ZPBP: variants seen among roughly 807,000 people sequenced by gnomAD.
The protein encoded by ZPBP is zona pellucida binding protein.
Under a neutral mutation model 44.8 loss-of-function variants are expected in ZPBP, and 26 were observed. The observed-to-expected ratio is 0.58, with a 90% confidence interval of 0.43 to 0.81. The LOEUF (loss-of-function observed/expected upper bound fraction) is 0.81, where lower values mean the gene tolerates loss of function less well. Among genes scored for constraint, ZPBP ranks in the 30% least tolerant of loss-of-function variants. The probability of loss-of-function intolerance (pLI) is 0.00; values close to 1 mark genes in which losing one functional copy is unlikely to be tolerated. For synonymous variants in ZPBP, 174 were observed against 153.2 expected (o/e 1.14, Z -1.00); for missense variants, 409 against 434.0 (o/e 0.94, Z 0.51).
chr7:49,842,565 A>C, the ZPBP span, among the ~76,000 whole-genome samples: 2 of 152,224 alleles, frequency 1.3e-5, no homozygotes, highest in African/African-American at 4.8e-5. Flanking sequence ...TACCTGTAGG[A>C]TGCTTCCAGA....
intron 1 of ZPBP, among the ~76,000 whole-genome samples, chr7:49,902,763 C>A (rs1792838671): frequency 6.6e-6 from 1 of 151,988 alleles, no homozygotes; most frequent in African/African-American, 2.4e-5. Flanking sequence ...CATTTGATCG[C>A]ATTGAAATAT....
At chr7:50,084,760 C>T (rs1802550654) in intron 2 of ZPBP, among the ~76,000 whole-genome samples, 1 of 151,850 alleles carries the variant, frequency 6.6e-6, no homozygotes, top group African/African-American at 2.4e-5. Flanking sequence ...AAATTAGTTA[C>T]CCAGATAACG....
chr7:49,892,313 T>G (rs1003940585), intron 2 of ZPBP, among the ~76,000 whole-genome samples: 1 of 152,034 alleles, frequency 6.6e-6, no homozygotes, highest in Non-Finnish European at 1.5e-5. Flanking sequence ...CCCAAAGTGC[T>G]GGGATTACAA....
At chr7:49,955,467 G>GA (rs1214048719) in intron 7 of ZPBP, among the ~76,000 whole-genome samples, 1 of 152,054 alleles carries the variant, frequency 6.6e-6, no homozygotes, top group Admixed American at 6.6e-5. Context: ...AGAGGCAGGA[G>GA]AATCACCTGA....
intron 2 of ZPBP, among the ~76,000 whole-genome samples, chr7:49,865,713 C>T (rs966963672): frequency 6.6e-6 from 1 of 152,218 alleles, no homozygotes; most frequent in African/African-American, 2.4e-5. Flanking sequence ...GGTGTGCCTT[C>T]AGAAGGGCAG....
intron 5 of ZPBP, among the ~76,000 whole-genome samples, chr7:50,021,264 T>C (rs1013225414): frequency 6.6e-6 from 1 of 151,808 alleles, no homozygotes; most frequent in African/African-American, 2.4e-5. Flanking sequence ...AAGAAAACCA[T>C]GAACAAAGAA....
downstream of ZPBP, among the ~76,000 whole-genome samples, chr7:49,933,925 A>C: frequency 7.1e-6 from 1 of 141,806 alleles, no homozygotes; most frequent in Non-Finnish European, 1.5e-5. Context: ...GGGGGGAGGG[A>C]TAGCATTAGG....
At chr7:49,905,534 T>C (rs1793038300) in intron 1 of ZPBP, among the ~76,000 whole-genome samples, 1 of 152,274 alleles carries the variant, frequency 6.6e-6, no homozygotes, top group Non-Finnish European at 1.5e-5. Flanking sequence ...CCTTGATTTC[T>C]ATCATTTAAA....
At chr7:49,939,653 G>A (rs541843300) in intron 7 of ZPBP, among the ~76,000 whole-genome samples, 2 of 152,054 alleles carry the variant, frequency 1.3e-5, no homozygotes, top group East Asian at 3.9e-4. Flanking sequence ...TAACCATAAT[G>A]TAAAACATTT....
chr7:49,922,019 T>G (rs1024179049), intron 1 of ZPBP: 2 of 152,178 alleles, frequency 1.3e-5, no homozygotes, highest in Non-Finnish European at 2.9e-5. Flanking sequence ...TGAAAGTAGA[T>G]TAAGCAAGAT....
chr7:49,939,740 C>T lies in ZPBP; in HGVS notation c.962-2118G>A, dbSNP rs117761701. On this transcript the variant is annotated intron_variant, in intron 7 of 7. Coordinates refer to ENST00000046087, the MANE Select transcript of ZPBP (RefSeq NM_007009.3). The stretch of plus-strand genomic sequence containing the variant: ...TAAAATAAAACTGTGGAAAGACTCT[C>T]CAAGCAAGATGGACTCCCTGAGGCT... 2.8e-3 allele frequency among the ~76,000 whole-genome samples: 428 copies of T among 152,098 alleles called. 1 individual carries two copies. Among genetic ancestry groups the T allele is most frequent in the Non-Finnish European group, 4.7e-3 (317 of 67,978 alleles).
At chr7:49,875,795 C>T (rs1791391521) in intron 2 of ZPBP, among the ~76,000 whole-genome samples, 1 of 152,042 alleles carries the variant, frequency 6.6e-6, no homozygotes, top group Admixed American at 6.6e-5. Flanking sequence ...AAAAAGTAAC[C>T]ATTTATTGTT....
At chr7:49,910,864 A>G (rs1188630502) in intron 1 of ZPBP, among the ~76,000 whole-genome samples, 3 of 152,184 alleles carry the variant, frequency 2.0e-5, no homozygotes, top group Non-Finnish European at 4.4e-5. Context: ...GAACTTATCA[A>G]AGCAAATTCT....
At chr7:49,893,592 T>C (rs1191955085) in intron 2 of ZPBP, among the ~76,000 whole-genome samples, 1 of 152,092 alleles carries the variant, frequency 6.6e-6, no homozygotes, top group Non-Finnish European at 1.5e-5. Flanking sequence ...CAACATATTT[T>C]TAGTTTACTC....
At chr7:49,960,102 A>C (rs1453222648) in intron 7 of ZPBP, among the ~76,000 whole-genome samples, 1 of 152,140 alleles carries the variant, frequency 6.6e-6, no homozygotes, top group East Asian at 1.9e-4. Flanking sequence ...TCATGGACCT[A>C]AATGCGGAAT....
At chr7:50,090,968 A>G (rs1392129054) in intron 1 of ZPBP, among the ~76,000 whole-genome samples, 1 of 151,312 alleles carries the variant, frequency 6.6e-6, no homozygotes, top group Non-Finnish European at 1.5e-5. Context: ...ATCCACACCA[A>G]CATCTATTTT....
intron 2 of ZPBP, among the ~76,000 whole-genome samples, chr7:49,858,489 G>C (rs1488570715): frequency 6.7e-6 from 1 of 150,060 alleles, no homozygotes; most frequent in Non-Finnish European, 1.5e-5. Context: ...CTCACTCATA[G>C]GTGGGAATTG....
chr7:50,014,784 C>A (rs2128803341), intron 6 of ZPBP, among the ~76,000 whole-genome samples: 1 of 152,050 alleles, frequency 6.6e-6, no homozygotes, highest in Admixed American at 6.6e-5. Flanking sequence ...ATATTTAAAA[C>A]AAATCTTCAA....
At position 49,981,618 on chromosome 7, in the gene ZPBP, T is replaced by A. The variant is rs866837330; in HGVS notation, c.961+1724A>T. 4.6e-3 allele frequency among the ~76,000 whole-genome samples: 57 copies of A among 12,426 alleles called. 1 individual carries two copies. Among genetic ancestry groups the A allele is most frequent in the African/African-American group, 0.013 (24 of 1,890 alleles). The allele number at this position is 12,426 out of a possible 152,430, so 8.2% of individuals were successfully genotyped here. On this transcript the variant is annotated intron_variant, in intron 7 of 7. Coordinates refer to ENST00000046087, the MANE Select transcript of ZPBP (RefSeq NM_007009.3). ...AATTATATAAATTATATAATTATATTATATTATATTATATTATATATTATA... is the reference window on the plus strand; with the variant it reads ...AATTATATAAATTATATAATTATATAATATTATATTATATTATATATTATA...
Sources: allele counts gnomAD v4.1 joint callset (sites outside exome capture counted in the v4.1 genomes callset), GRCh38; gene constraint gnomAD v4.1.1; transcripts MANE v1.5; gene names NCBI Gene and HGNC (gene_info 2026-07-23, HGNC 2026-07-21).